KLHL1: variants seen among roughly 807,000 people sequenced by gnomAD.
KLHL1 encodes kelch like family member 1.
Under a neutral mutation model 77.7 loss-of-function variants are expected in KLHL1, and 47 were observed. That is an observed-to-expected ratio of 0.60 (90% CI 0.48 to 0.77). The LOEUF is 0.77. Ranked by LOEUF, KLHL1 falls within the 30% of genes least tolerant of loss-of-function variation. The pLI, the probability that KLHL1 is intolerant of heterozygous loss-of-function variation, is 0.00. For synonymous variants in KLHL1, 360 were observed against 325.2 expected, an observed-to-expected ratio of 1.11 and a Z score of -1.15; for missense variants, 925 against 910.8, an observed-to-expected ratio of 1.02 and a Z score of -0.20.
In KLHL1 at chr13:69,740,391, T is replaced by A; in HGVS notation, c.1802+3A>T. On this transcript the variant is annotated splice_donor_region_variant and intron_variant, in intron 8 of 10. Transcript: ENST00000377844. ...TTAAAAAATAAGAAAAAAATTTACT[T>A]ACTTGCCATTCAATGCTGCTACACC... 6.5e-7 allele frequency: 1 copy of A among 1,535,802 alleles called. No individual in the cohort carries two copies. The highest frequency in any genetic ancestry group is 8.8e-7 in the Non-Finnish European group (1 of 1,134,142).
intron 1 of KLHL1, among the ~76,000 whole-genome samples, chr13:70,025,053 A>C (rs979233764): frequency 6.6e-6 from 1 of 152,054 alleles, no homozygotes; most frequent in African/African-American, 2.4e-5. Context: ...GTTTAGGTTT[A>C]CATTCACATG....
intron 5 of KLHL1, among the ~76,000 whole-genome samples, chr13:69,863,795 C>T (rs994623184): frequency 1.3e-5 from 2 of 152,012 alleles, no homozygotes; most frequent in Admixed American, 6.6e-5. Flanking sequence ...CACCTGAATT[C>T]CAACATCTTG....
At chr13:69,850,497 A>T (rs1879643236) in intron 5 of KLHL1, among the ~76,000 whole-genome samples, 1 of 151,220 alleles carries the variant, frequency 6.6e-6, no homozygotes, top group Non-Finnish European at 1.5e-5. Flanking sequence ...CCATTTCACT[A>T]CTCCCAAATA....
intron 7 of KLHL1, among the ~76,000 whole-genome samples, chr13:69,743,551 G>A (rs1323357195): frequency 1.3e-5 from 2 of 152,178 alleles, no homozygotes; most frequent in African/African-American, 4.8e-5. Flanking sequence ...TTGAGAGGCT[G>A]AGGTGGGCAA....
intron 7 of KLHL1, among the ~76,000 whole-genome samples, chr13:69,785,987 A>G (rs967546904): frequency 2.0e-5 from 3 of 152,148 alleles, no homozygotes; most frequent in African/African-American, 7.2e-5. Context: ...TAGACCAATA[A>G]CAGGCTCTGA....
At chr13:70,057,604 A>G (rs1421014206) in intron 1 of KLHL1, among the ~76,000 whole-genome samples, 22 of 150,252 alleles carry the variant, frequency 1.5e-4, no homozygotes, top group African/African-American at 5.1e-4. Context: ...GTGAAACCCC[A>G]TCTCTACTAA....
intron 9 of KLHL1, among the ~76,000 whole-genome samples, chr13:69,715,649 T>C (rs1024524207): frequency 3.3e-5 from 5 of 152,058 alleles, no homozygotes; most frequent in African/African-American, 1.2e-4. Flanking sequence ...AATCCTCATA[T>C]TAACATGGTC....
chr13:69,950,053 G>T (rs1883658014), intron 3 of KLHL1, among the ~76,000 whole-genome samples: 1 of 151,606 alleles, frequency 6.6e-6, no homozygotes, highest in African/African-American at 2.4e-5. Flanking sequence ...TGTAAACCAT[G>T]TCATACATGC....
At chr13:69,745,994 C>T (rs536595013) in intron 7 of KLHL1, among the ~76,000 whole-genome samples, 115 of 151,388 alleles carry the variant, frequency 7.6e-4, no homozygotes, top group African/African-American at 2.3e-3. Flanking sequence ...TTTTAACTTC[C>T]GGAGTAATGT....
intron 6 of KLHL1, among the ~76,000 whole-genome samples, chr13:69,814,870 G>A (rs1219158948): frequency 6.6e-6 from 1 of 152,066 alleles, no homozygotes; most frequent in Non-Finnish European, 1.5e-5. Flanking sequence ...AATTAGCTGG[G>A]CGTGGTGGGG....
chr13:69,953,380 A>T (rs1883773124), intron 3 of KLHL1, among the ~76,000 whole-genome samples: 1 of 151,382 alleles, frequency 6.6e-6, no homozygotes. Flanking sequence ...TGACAATGAC[A>T]TAAGTAATTA....
chr13:69,773,798 G>A (rs1387330401), intron 7 of KLHL1, among the ~76,000 whole-genome samples: 2 of 151,548 alleles, frequency 1.3e-5, no homozygotes, highest in Non-Finnish European at 3.0e-5. Context: ...GCAAAGCAAT[G>A]TGAAGGCAAT....
intron 1 of KLHL1, among the ~76,000 whole-genome samples, chr13:70,048,073 T>C (rs1208519264): frequency 6.6e-6 from 1 of 152,210 alleles, no homozygotes; most frequent in Non-Finnish European, 1.5e-5. Context: ...ATCACTAGCA[T>C]AGGTCACTCC....
At chr13:69,705,813 A>T (rs1875598624) in intron 10 of KLHL1, among the ~76,000 whole-genome samples, 1 of 151,734 alleles carries the variant, frequency 6.6e-6, no homozygotes, top group African/African-American at 2.4e-5. Flanking sequence ...AAGGAAAATG[A>T]TCTTTAGGAG....
At chr13:69,960,204 GAC>G (rs2137268713) in intron 3 of KLHL1, among the ~76,000 whole-genome samples, 1 of 149,730 alleles carries the variant, frequency 6.7e-6, no homozygotes, top group Admixed American at 6.7e-5. Flanking sequence ...CCTAAAAGAG[GAC>G]AGAGTCCTCC....
intron 1 of KLHL1, among the ~76,000 whole-genome samples, chr13:70,011,653 T>C (rs905593284): frequency 6.6e-5 from 10 of 152,194 alleles, no homozygotes; most frequent in African/African-American, 2.4e-4. Flanking sequence ...GTTTTACAGA[T>C]GCAGACACCC....
intron 6 of KLHL1, among the ~76,000 whole-genome samples, chr13:69,822,387 C>T (rs1049209962): frequency 1.3e-5 from 2 of 152,004 alleles, no homozygotes; most frequent in African/African-American, 4.8e-5. Context: ...ATTATTGAAA[C>T]AAACATTTTT....
At chr13:69,715,357 T>G (rs746604649) in intron 9 of KLHL1, among the ~76,000 whole-genome samples, 6 of 152,012 alleles carry the variant, frequency 3.9e-5, no homozygotes, top group Non-Finnish European at 7.4e-5. Flanking sequence ...GGTGGTTTTA[T>G]AACTGTTTGG....
chr13:70,057,387 TC>T (rs1886765835), intron 1 of KLHL1, among the ~76,000 whole-genome samples: 1 of 142,962 alleles, frequency 7.0e-6, no homozygotes, highest in Admixed American at 7.3e-5. Context: ...CTCAAATAAT[TC>T]CAAAAACTAT....
Sources: allele counts gnomAD v4.1 joint callset (sites outside exome capture counted in the v4.1 genomes callset), GRCh38; gene constraint gnomAD v4.1.1; transcripts MANE v1.5; gene names NCBI Gene and HGNC (gene_info 2026-07-23, HGNC 2026-07-21).